ARHGEF19: variants seen among roughly 807,000 people sequenced by gnomAD.
ARHGEF19 encodes Rho guanine nucleotide exchange factor (GEF) 19.
Under a neutral mutation model 87.6 loss-of-function variants are expected in ARHGEF19, and 92 were observed. The ratio of observed to expected loss-of-function variants is 1.05; its 90% CI spans 0.89 to 1.25. The LOEUF is 1.25. Ranked by LOEUF, ARHGEF19 falls within the 50% of genes most tolerant of loss-of-function variation. ARHGEF19 has a pLI of 0.00. For missense variants in ARHGEF19, 1,054 were observed against 1,051.8 expected (o/e 1.00, Z -0.03); for synonymous variants, 438 against 446.2 (o/e 0.98, Z 0.23).
Position 16,207,246 on chromosome 1 carries a change from C to T in ARHGEF19, c.875-36G>A, listed in dbSNP as rs1221714850. 3 of 1,471,190 alleles carry T rather than the reference C, an allele frequency of 2.0e-6. No homozygotes were observed. Among genetic ancestry groups the T allele is most frequent in the Non-Finnish European group, 1.8e-6 (2 of 1,116,482 alleles). The allele number at this position is 1,471,190 out of a possible 1,614,324, so 91.1% of individuals were successfully genotyped here. A position where few individuals can be genotyped will look rare whatever the true frequency, so the allele number is the denominator to read the frequency against. ...GACGGGCGGGGGAGAGCGTGGGGCG[C>T]CCGCCAGCCCCTGCCCGGCTTTTCC... On this transcript the variant is annotated intron_variant, in intron 5 of 15. Coordinates refer to ENST00000270747, the MANE Select transcript of ARHGEF19 (RefSeq NM_153213.5). The surrounding 1 kb of genome is among the most constrained non-coding windows in gnomAD (Gnocchi z 4.0).
chr1:16,206,535 G>T lies in ARHGEF19; in HGVS notation c.1138-195C>A. ...AATTGTGCAAGCCTTTCCTGTCCTCGATCCCGCCCCTCTCCTAAGCCCCGC... is the reference window on the plus strand; with the variant it reads ...AATTGTGCAAGCCTTTCCTGTCCTCTATCCCGCCCCTCTCCTAAGCCCCGC... On this transcript the variant is annotated intron_variant, in intron 6 of 15. Transcript: ENST00000270747. The surrounding 1 kb of genome is among the most constrained non-coding windows in gnomAD (Gnocchi z 4.6). The T allele has an allele frequency of 1.6e-6, 1 of 620,318 alleles. No individual in the cohort carries two copies. The highest frequency in any genetic ancestry group is 2.8e-6 in the Non-Finnish European group (1 of 352,376). 38.4% of individuals were successfully genotyped at this position (620,318 alleles called of 1,614,324 possible). A position where few individuals can be genotyped will look rare whatever the true frequency, so the allele number is the denominator to read the frequency against.
rs1391056880 is a variant in ARHGEF19, at chr1:16,198,493, G to A, written c.*94C>T. 1.4e-6 allele frequency: 2 copies of A among 1,430,824 alleles called. No homozygotes were observed. The highest frequency in any genetic ancestry group is 1.9e-6 in the Non-Finnish European group (2 of 1,076,808). The allele number at this position is 1,430,824 out of a possible 1,614,324, so 88.6% of individuals were successfully genotyped here. ...CCAAGGCCACAGAAGCGAAGTGCCA[G>A]CAGGAGCAGCTTGGGGAATGGAGAC... On this transcript the variant is annotated 3_prime_UTR_variant, in exon 16 of 16. Coordinates refer to ENST00000270747, the MANE Select transcript of ARHGEF19 (RefSeq NM_153213.5). The surrounding 1 kb of genome is among the most constrained non-coding windows in gnomAD (Gnocchi z 4.1).
intron 1 of ARHGEF19, 111 bp downstream of exon 1, chr1:16,212,391 T>C (rs1008679002): frequency 6.6e-6 from 1 of 152,340 alleles, no homozygotes. Flanking sequence ...CAGAAGGCCA[T>C]AGTGGGTCAG....
intron 12 of ARHGEF19, among the ~76,000 whole-genome samples, chr1:16,203,251 C>A (rs2081098748): frequency 6.6e-6 from 1 of 152,128 alleles, no homozygotes; most frequent in Non-Finnish European, 1.5e-5. Flanking sequence ...TCAGCTTCTC[C>A]CACTCCAAGC....
Position 16,206,509 on chromosome 1 carries a change from A to C in ARHGEF19, c.1138-169T>G, listed in dbSNP as rs1215389711. 1.4e-6 allele frequency: 1 copy of C among 703,484 alleles called. No homozygotes were observed. Among genetic ancestry groups the C allele is most frequent in the Non-Finnish European group, 2.4e-6 (1 of 415,044 alleles). The allele number at this position is 703,484 out of a possible 1,614,324, so 43.6% of individuals were successfully genotyped here. A position where few individuals can be genotyped will look rare whatever the true frequency, so the allele number is the denominator to read the frequency against. On this transcript the variant is annotated intron_variant, in intron 6 of 15. Coordinates refer to ENST00000270747, the MANE Select transcript of ARHGEF19 (RefSeq NM_153213.5). This position sits in a 1 kb window ranked among gnomAD's most constrained non-coding sequence, Gnocchi z 4.6. ...CCGGCGACCCACGTCCCGCCGCGGG[A>C]AATTGTGCAAGCCTTTCCTGTCCTC...
intron 1 of ARHGEF19, among the ~76,000 whole-genome samples, chr1:16,212,058 G>A (rs571227084): frequency 1.3e-5 from 2 of 152,324 alleles, no homozygotes; most frequent in South Asian, 2.1e-4. Flanking sequence ...CCCTCTCTAA[G>A]AAACATGTCT....
At chr1:16,202,899 CAG>C (rs1376827051) in intron 12 of ARHGEF19, among the ~76,000 whole-genome samples, 1 of 151,930 alleles carries the variant, frequency 6.6e-6, no homozygotes, top group Admixed American at 6.6e-5. Context: ...TGTTTTAAGA[CAG>C]AGTCTCGCTC....
chr1:16,204,976 A>C lies in ARHGEF19; in HGVS notation c.1747-57T>G, dbSNP rs1483143502. 8 of 1,570,732 alleles carry C rather than the reference A, an allele frequency of 5.1e-6. No individual in the cohort carries two copies. The East Asian group carries it at 1.9e-4, about 37-fold the overall frequency. ...AGGGGCACCAGGCAGAGAGCACAAG[A>C]TGGTAGATGGGAGGGTGTGGGCAGC... On this transcript the variant is annotated intron_variant, in intron 11 of 15. Transcript: ENST00000270747.
At chr1:16,202,275 G>T in intron 13 of ARHGEF19, 141 bp downstream of exon 13, 1 of 1,277,822 alleles carries the variant, frequency 7.8e-7, no homozygotes, top group Admixed American at 2.5e-5. Flanking sequence ...CCCAAGTCAG[G>T]GAAGAGTTGA....
At chr1:16,199,820 T>C (rs1232595596) in intron 14 of ARHGEF19, among the ~76,000 whole-genome samples, 1 of 151,646 alleles carries the variant, frequency 6.6e-6, no homozygotes, top group Non-Finnish European at 1.5e-5. Flanking sequence ...TCCCCTCCAC[T>C]TTCCCTCCCT....
rs759739968 is a variant in ARHGEF19, at chr1:16,208,033, A to G, written c.605T>C (p.Met202Thr). The change falls in exon 3 of 16, where the codon ATG becomes ACG. Residue 202 changes from methionine to threonine, a missense_variant. Met to Thr is a moderately conservative substitution (Grantham distance 81, BLOSUM62 -1). Transcript: ENST00000270747. ...ERRRFSASEL[M>T]TRLHSSLRLG... ...GCGCAGAGAAGAGTGCAGCCGGGTCATCAGCTCCGATGCCGAGAAGCGCCT... is the reference window on the plus strand; with the variant it reads ...GCGCAGAGAAGAGTGCAGCCGGGTCGTCAGCTCCGATGCCGAGAAGCGCCT... 1.6e-5 allele frequency: 26 copies of G among 1,613,580 alleles called. No individual in the cohort carries two copies. Among genetic ancestry groups the G allele is most frequent in the Non-Finnish European group, 2.0e-5 (24 of 1,180,018 alleles).
chr1:16,204,748 C>A lies in ARHGEF19; in HGVS notation c.1907+11G>T. Reference sequence around the variant, plus strand: ...CACTTTACCTACCCACCCCTGACTGCCCCGACTCACTCCTTCCGCCGAGAG... The same window carrying A: ...CACTTTACCTACCCACCCCTGACTGACCCGACTCACTCCTTCCGCCGAGAG... On this transcript the variant is annotated intron_variant, in intron 12 of 15. Coordinates refer to ENST00000270747, the MANE Select transcript of ARHGEF19 (RefSeq NM_153213.5). 2 of 1,577,080 alleles carry A rather than the reference C, an allele frequency of 1.3e-6. No individual in the cohort carries two copies. The highest frequency in any genetic ancestry group is 1.7e-6 in the Non-Finnish European group (2 of 1,157,340).
In ARHGEF19 at chr1:16,199,043, T is replaced by C. The variant is rs558477916; in HGVS notation, c.2251+107A>G. On this transcript the variant is annotated intron_variant, in intron 15 of 15. Transcript: ENST00000270747. Reference sequence around the variant, plus strand: ...CATCTAACCTGATTCCCACATGCTGTGGCAGATCAACACTTGCAGAACCTT... The same window carrying C: ...CATCTAACCTGATTCCCACATGCTGCGGCAGATCAACACTTGCAGAACCTT... The C allele has an allele frequency of 2.0e-5, 22 of 1,106,302 alleles. No individual in the cohort carries two copies. In the African/African-American group the frequency reaches 2.3e-4, roughly 12 times the overall value. 68.5% of individuals were successfully genotyped at this position (1,106,302 alleles called of 1,614,324 possible).
intron 1 of ARHGEF19, among the ~76,000 whole-genome samples, chr1:16,210,347 G>A (rs1400895988): frequency 2.0e-5 from 3 of 152,202 alleles, no homozygotes; most frequent in Non-Finnish European, 2.9e-5. Context: ...TGGGCAGGCC[G>A]GGCAGCCAGG....
At chr1:16,209,655 T>C (rs942737466) in intron 1 of ARHGEF19, among the ~76,000 whole-genome samples, 4 of 151,828 alleles carry the variant, frequency 2.6e-5, no homozygotes, top group Non-Finnish European at 5.9e-5. Context: ...CACAGACAAC[T>C]CCTCACAAAC....
chr1:16,205,501 C>T lies in ARHGEF19; in HGVS notation c.1581+37G>A, dbSNP rs745897415. On this transcript the variant is annotated intron_variant, in intron 9 of 15. Transcript: ENST00000270747. This position sits in a 1 kb window ranked among gnomAD's most constrained non-coding sequence, Gnocchi z 5.8. ...GGCCCGCCCACAGGTGTATCTCCCT[C>T]GCCCAGCCCTCACTGTGGCCTGTCC... 63 of 1,613,452 alleles carry T rather than the reference C, an allele frequency of 3.9e-5. No homozygotes were observed. The highest frequency in any genetic ancestry group is 4.8e-5 in the Non-Finnish European group (57 of 1,179,824).
chr1:16,211,767 C>T (rs1298069748), intron 1 of ARHGEF19, among the ~76,000 whole-genome samples: 1 of 152,212 alleles, frequency 6.6e-6, no homozygotes, highest in East Asian at 1.9e-4. Context: ...TTGTGTGTAG[C>T]TCATCTCTGT....
chr1:16,211,413 G>A (rs1330289125), intron 1 of ARHGEF19, among the ~76,000 whole-genome samples: 1 of 152,200 alleles, frequency 6.6e-6, no homozygotes, highest in Non-Finnish European at 1.5e-5. Context: ...CTTGGGTTCT[G>A]GAAGCTCCTG....
chr1:16,207,551 T>C lies in ARHGEF19; in HGVS notation c.845A>G (p.Glu282Gly). 1 of 1,613,764 alleles carries C rather than the reference T, an allele frequency of 6.2e-7. No homozygotes were observed. The highest frequency in any genetic ancestry group is 1.1e-5 in the South Asian group (1 of 91,068). The change falls in exon 5 of 16, where the codon GAG (glutamate) becomes GGG (glycine). Residue 282 changes from glutamate to glycine, a missense_variant. Glu to Gly is a moderately conservative substitution (Grantham distance 98, BLOSUM62 -2). Coordinates refer to ENST00000270747, the MANE Select transcript of ARHGEF19 (RefSeq NM_153213.5). This position sits in a 1 kb window ranked among gnomAD's most constrained non-coding sequence, Gnocchi z 4.0. ...AAGGAGGAATCGAGACTGGCGCCGC[T>C]CGTTGGTGCTCCTGGACCCCAAAGG... ...EPPLGSRSTN[E>G]RRQSRFLLNS... is the part of the protein sequence containing the mutation.
Sources: allele counts gnomAD v4.1 joint callset (sites outside exome capture counted in the v4.1 genomes callset), GRCh38; gene constraint gnomAD v4.1.1; non-coding constraint Gnocchi (gnomAD v3.1); transcripts MANE v1.5; gene names NCBI Gene and HGNC (gene_info 2026-07-23, HGNC 2026-07-21).